The following ZNF765 variants were observed in gnomAD, a reference collection of about 807,000 sequenced individuals.
The protein encoded by ZNF765 is zinc finger protein 765.
In ZNF765, 37 loss-of-function variants were observed where a neutral mutation model predicts 44.7. The ratio of observed to expected loss-of-function variants is 0.83; its 90% CI spans 0.64 to 1.09. The LOEUF is 1.09. ZNF765 is among the 50% of genes least tolerant of loss of function. The pLI is 0.00. For synonymous variants in ZNF765, 201 were observed against 213.7 expected (o/e 0.94, Z 0.52); for missense variants, 594 against 626.1 (o/e 0.95, Z 0.55).
chr19:53,415,313 A>G (rs1036298159), downstream of ZNF765, among the ~76,000 whole-genome samples: 1 of 152,054 alleles, frequency 6.6e-6, no homozygotes, highest in Non-Finnish European at 1.5e-5. Context: ...AACATCACTG[A>G]TTGGTGAAAG....
chr19:53,417,129 A>G (rs999718580), intron 3 of ZNF765, among the ~76,000 whole-genome samples: 7 of 152,074 alleles, frequency 4.6e-5, no homozygotes, highest in Non-Finnish European at 7.4e-5. Context: ...GGTTTCTTTC[A>G]TTTTTAAAAG....
intron 2 of ZNF765, among the ~76,000 whole-genome samples, chr19:53,401,534 G>A (rs1324855948): frequency 6.7e-6 from 1 of 149,218 alleles, no homozygotes; most frequent in Non-Finnish European, 1.5e-5. Flanking sequence ...CTGTACTCCA[G>A]CCTGGGCGAC....
At chr19:53,414,468 CACACACACACACACACACA>C (rs1568785965), downstream of ZNF765, among the ~76,000 whole-genome samples, 205 of 11,554 alleles carry the variant, frequency 0.018, 18 homozygotes, top group Non-Finnish European at 0.041. Context: ...CACACACACA[CACACACACACACACACACA>C]CACCCCCCCC....
Position 53,408,062 on chromosome 19 carries a change from C to T in ZNF765, c.507C>T (p.His169=), listed in dbSNP as rs369185751. The T allele has an allele frequency of 4.0e-5, 65 of 1,614,156 alleles. No individual in the cohort carries two copies. The highest frequency in any genetic ancestry group is 2.7e-4 in the South Asian group (25 of 91,078). The change falls in exon 4 of 4, where the codon CAC becomes CAT. Residue 169 remains histidine (H), a synonymous_variant. Transcript: ENST00000396408. ...ATAATCAAGTTGTGAAGTCTATCCA[C>T]GATGCTTCCTTGGTTTCAACAGCCC... ...KIDNQVVKSI[H]DASLVSTAQR... is the part of the protein sequence containing the mutation.
chr19:53,417,359 T>C (rs1339891030), intron 3 of ZNF765, among the ~76,000 whole-genome samples: 1 of 152,136 alleles, frequency 6.6e-6, no homozygotes, highest in East Asian at 1.9e-4. Context: ...ACCTCCCTCT[T>C]ATAAGTGAGA....
In ZNF765 at chr19:53,408,044, A is replaced by G; in HGVS notation, c.489A>G (p.Gln163=). 1 of 1,614,188 alleles carries G rather than the reference A, an allele frequency of 6.2e-7. No individual in the cohort carries two copies. The highest frequency in any genetic ancestry group is 8.5e-7 in the Non-Finnish European group (1 of 1,180,030). ...IFHTEEKIDN[Q]VVKSIHDASL... is the part of the protein sequence containing the mutation. The stretch of plus-strand genomic sequence containing the variant: ...ACACTGAAGAGAAAATTGATAATCA[A>G]GTTGTGAAGTCTATCCACGATGCTT... The change falls in exon 4 of 4, where the codon CAA becomes CAG. Residue 163 remains glutamine, a synonymous_variant. Coordinates refer to ENST00000396408, the MANE Select transcript of ZNF765 (RefSeq NM_001040185.3).
chr19:53,414,435 C>CA (rs1491405659), downstream of ZNF765, among the ~76,000 whole-genome samples: 64 of 37,588 alleles, frequency 1.7e-3, 2 homozygotes, highest in Non-Finnish European at 2.4e-3. Flanking sequence ...ACCCTCCCCA[C>CA]CACACACACA....
chr19:53,417,025 C>A (rs898117039), intron 3 of ZNF765, among the ~76,000 whole-genome samples: 6 of 152,062 alleles, frequency 3.9e-5, no homozygotes, highest in African/African-American at 1.4e-4. Flanking sequence ...ACCATGTTGG[C>A]CAGGCCGGTC....
intron 3 of ZNF765, among the ~76,000 whole-genome samples, chr19:53,407,424 C>T (rs2085785515): frequency 6.6e-6 from 1 of 152,058 alleles, no homozygotes; most frequent in African/African-American, 2.4e-5. Context: ...TTTAGGGTCA[C>T]GATGGAAAAA....
At chr19:53,412,567 G>A (rs1185926491), downstream of ZNF765, among the ~76,000 whole-genome samples, 1 of 152,054 alleles carries the variant, frequency 6.6e-6, no homozygotes, top group East Asian at 1.9e-4. Context: ...GCACTCAGAA[G>A]GATAAGACAT....
In ZNF765 at chr19:53,409,300, GT is replaced by G. The variant is rs148226856; in HGVS notation, c.*174del. On this transcript the variant is annotated 3_prime_UTR_variant, in exon 4 of 4. Coordinates refer to ENST00000396408, the MANE Select transcript of ZNF765 (RefSeq NM_001040185.3). ...AGAGAATCTTACAAGTGTAATGAGT[GT>G]GGCAAGACCTTGAGTCATACGTCAT... The G allele has an allele frequency of 0.022, 20,272 of 932,876 alleles. 514 individuals are homozygous for G. Among genetic ancestry groups the G allele is most frequent in the East Asian group, 0.12 (5,091 of 41,648 alleles). The allele number at this position is 932,876 out of a possible 1,614,324, so 57.8% of individuals were successfully genotyped here. A position where few individuals can be genotyped will look rare whatever the true frequency, so the allele number is the denominator to read the frequency against.
chr19:53,414,485 ACACACCCCCCCCCCCCCCC>A (rs1568786100), downstream of ZNF765, among the ~76,000 whole-genome samples: 3 of 1,556 alleles, frequency 1.9e-3, no homozygotes. Flanking sequence ...ACACACACAC[ACACACCCCCCCCCCCCCCC>A]CCCCCGGGGA....
chr19:53,413,325 A>G, downstream of ZNF765: 1 of 585,844 alleles, frequency 1.7e-6, no homozygotes, highest in South Asian at 1.4e-5. Flanking sequence ...ACATTGGAGA[A>G]GAATCAAGCT....
chr19:53,404,147 G>A (rs1373239828), intron 3 of ZNF765, among the ~76,000 whole-genome samples: 29 of 152,238 alleles, frequency 1.9e-4, no homozygotes, highest in Admixed American at 1.9e-3. Context: ...GCACAATCTC[G>A]GGTCACTCCA....
downstream of ZNF765, among the ~76,000 whole-genome samples, chr19:53,414,192 G>T (rs1330522751): frequency 1.5e-5 from 2 of 133,430 alleles, no homozygotes; most frequent in African/African-American, 5.6e-5. Context: ...AGTGAGCCGA[G>T]ATCGCGCTAC....
At chr19:53,403,147 G>A (rs187469057) in intron 3 of ZNF765, among the ~76,000 whole-genome samples, 2 of 150,206 alleles carry the variant, frequency 1.3e-5, no homozygotes, top group Non-Finnish European at 3.0e-5. Flanking sequence ...GCGACAGAGC[G>A]GGACTCTGTC....
Position 53,408,446 on chromosome 19 carries a change from A to G in ZNF765, c.891A>G (p.Lys297=), listed in dbSNP as rs1266797288. The change falls in exon 4 of 4, where the codon AAA becomes AAG. Residue 297 remains lysine (K), a synonymous_variant. Coordinates refer to ENST00000396408, the MANE Select transcript of ZNF765 (RefSeq NM_001040185.3). The part of the protein sequence containing the change: ...TCHRRLHTGE[K]PYKCEECDKA... ...ATCGTAGACTTCATACTGGAGAGAA[A>G]CCTTACAAATGTGAAGAATGTGACA... is the stretch of plus-strand genomic sequence containing the variant. 6.2e-7 allele frequency: 1 copy of G among 1,613,750 alleles called. No homozygotes were observed. The highest frequency in any genetic ancestry group is 8.5e-7 in the Non-Finnish European group (1 of 1,179,796).
intron 3 of ZNF765, among the ~76,000 whole-genome samples, chr19:53,420,286 C>T (rs542681912): frequency 3.8e-4 from 58 of 152,232 alleles, no homozygotes; most frequent in African/African-American, 1.2e-3. Context: ...GAGCCAAGAT[C>T]GCACCACTGC....
rs761456181 is a variant in ZNF765 at position 53,407,687 on chromosome 19, A to G, written c.143-11A>G. On this transcript the variant is annotated splice_polypyrimidine_tract_variant and intron_variant, in intron 3 of 3. Transcript: ENST00000396408. The stretch of plus-strand genomic sequence containing the variant: ...CTTAATTTGAAACCTTTTGGTGTGT[A>G]TACTTTTTAGATATCTCTTCCAAAT... The G allele has an allele frequency of 6.5e-6, 10 of 1,531,584 alleles. No individual in the cohort carries two copies. The highest frequency in any genetic ancestry group is 8.8e-6 in the Non-Finnish European group (10 of 1,141,974). 94.9% of individuals were successfully genotyped at this position (1,531,584 alleles called of 1,614,324 possible). A position where few individuals can be genotyped will look rare whatever the true frequency, so the allele number is the denominator to read the frequency against.
Sources: gnomAD v4.1 joint callset for allele counts (sites outside exome capture counted in the v4.1 genomes callset) on GRCh38, gnomAD v4.1.1 for gene constraint, MANE v1.5 for transcripts, NCBI Gene and HGNC (gene_info 2026-07-23, HGNC 2026-07-21) for gene names.